Variants in CX3CR1 observed in about 807,000 individuals in gnomAD.
The protein encoded by CX3CR1 is CX3C chemokine receptor 1.
For missense variants in CX3CR1, 363 were observed against 432.4 expected (o/e 0.84, Z 1.42); for synonymous variants, 168 against 178.5 (o/e 0.94, Z 0.47).
At chr3:39,291,803 G>A in the CX3CR1 span, among the ~76,000 whole-genome samples, 4 of 152,210 alleles carry the variant, frequency 2.6e-5, no homozygotes, top group Admixed American at 6.5e-5. Flanking sequence ...AGGTTGGTGG[G>A]AGGGCCACCA....
At chr3:39,281,376 T>C, upstream of CX3CR1, 1 of 699,228 alleles carries the variant, frequency 1.4e-6, no homozygotes, top group Non-Finnish European at 2.0e-6. Context: ...GCTGGCTGCC[T>C]CAGCCCCTTC....
Position 39,265,851 on chromosome 3 carries a change from G to A in CX3CR1, c.659C>T (p.Ser220Phe), listed in dbSNP as rs928981544. ...TTTGGCTTTCTTGTGGTTCTTGCAG[G>A]AAAACAGCGTCTGGATGATTCTGAA... ...CYFRIIQTLF[S>F]CKNHKKAKAI... The change falls in exon 2 of 2, where the codon TCC becomes TTC. Residue 220 changes from serine to phenylalanine, a missense_variant. Ser to Phe is a radical substitution (Grantham distance 155). Coordinates refer to ENST00000399220, the MANE Select transcript of CX3CR1 (RefSeq NM_001337.4). 1.3e-5 allele frequency: 21 copies of A among 1,614,072 alleles called. No individual in the cohort carries two copies. Among genetic ancestry groups the A allele is most frequent in the Non-Finnish European group, 1.5e-5 (18 of 1,180,042 alleles).
chr3:39,275,762 T>C (rs2040833191), intron 1 of CX3CR1, among the ~76,000 whole-genome samples: 1 of 152,198 alleles, frequency 6.6e-6, no homozygotes, highest in South Asian at 2.1e-4. Flanking sequence ...CTAGGCACTG[T>C]GCTAGATTCT....
intron 1 of CX3CR1, among the ~76,000 whole-genome samples, chr3:39,277,127 G>C (rs759365225): frequency 1.3e-4 from 20 of 152,200 alleles, no homozygotes; most frequent in Non-Finnish European, 2.6e-4. Context: ...GGTGGTCTAG[G>C]AAGATGTTTA....
the CX3CR1 span, among the ~76,000 whole-genome samples, chr3:39,288,463 C>T: frequency 2.0e-5 from 3 of 152,192 alleles, no homozygotes; most frequent in Admixed American, 6.5e-5. Context: ...TCATCAGATA[C>T]AGGAGTGAGC....
intron 1 of CX3CR1, among the ~76,000 whole-genome samples, chr3:39,276,630 C>T (rs769466717): frequency 1.3e-5 from 2 of 152,324 alleles, no homozygotes; most frequent in African/African-American, 2.4e-5. Context: ...ATTGCCATTT[C>T]TACTGCTAAT....
intron 1 of CX3CR1, among the ~76,000 whole-genome samples, chr3:39,267,565 A>G (rs2040720159): frequency 6.6e-6 from 1 of 152,024 alleles, no homozygotes; most frequent in African/African-American, 2.4e-5. Context: ...AGTCCCATCT[A>G]TTGGGAACCC....
In CX3CR1 at chr3:39,266,531, G is replaced by A; in HGVS notation, c.-9-13C>T. Reference sequence around the variant, plus strand: ...CCATGGTGAAGGCCTGGATCAGAAAGAAAAACAAGTAACTGTGTTAGTTAT... The same window carrying A: ...CCATGGTGAAGGCCTGGATCAGAAAAAAAAACAAGTAACTGTGTTAGTTAT... On this transcript the variant is annotated splice_polypyrimidine_tract_variant and intron_variant, in intron 1 of 1. Coordinates refer to ENST00000399220, the MANE Select transcript of CX3CR1 (RefSeq NM_001337.4). 7 of 1,612,470 alleles carry A rather than the reference G, an allele frequency of 4.3e-6. No homozygotes were observed. Among genetic ancestry groups the A allele is most frequent in the Non-Finnish European group, 5.9e-6 (7 of 1,178,496 alleles).
rs2040684510 is a variant in CX3CR1, at chr3:39,265,617, T to C, written c.893A>G (p.Glu298Gly). Residue 298 changes from glutamate (E) to glycine (G), a missense_variant, in exon 2 of 2, where the codon GAG (glutamate) becomes GGG (glycine). Coordinates refer to ENST00000399220, the MANE Select transcript of CX3CR1 (RefSeq NM_001337.4). Reference sequence around the variant, plus strand: ...GTGGTAAAGGTATCTTCTGAACTTCTCCCCAGCAAATGCATAGATGAGAGG... The same window carrying C: ...GTGGTAAAGGTATCTTCTGAACTTCCCCCCAGCAAATGCATAGATGAGAGG... ...LNPLIYAFAGEKFRRYLYHLY... is the reference protein window; with the variant it reads ...LNPLIYAFAGGKFRRYLYHLY... The C allele has an allele frequency of 6.2e-7, 1 of 1,613,992 alleles. No homozygotes were observed. Among genetic ancestry groups the C allele is most frequent in the Non-Finnish European group, 8.5e-7 (1 of 1,180,022 alleles).
At chr3:39,281,936 T>C (rs1307275548), upstream of CX3CR1, among the ~76,000 whole-genome samples, 1 of 152,200 alleles carries the variant, frequency 6.6e-6, no homozygotes, top group Non-Finnish European at 1.5e-5. Flanking sequence ...CAGCGTCCAG[T>C]GTCAGTTGCC....
the CX3CR1 span, among the ~76,000 whole-genome samples, chr3:39,292,772 GA>G: frequency 1.4e-4 from 21 of 152,152 alleles, no homozygotes; most frequent in Non-Finnish European, 2.8e-4. Flanking sequence ...TCTGACTCTG[GA>G]ACCTGAATTC....
upstream of CX3CR1, among the ~76,000 whole-genome samples, chr3:39,283,114 C>T (rs9875632): frequency 9.7e-3 from 1,476 of 152,282 alleles, 26 homozygotes; most frequent in African/African-American, 0.034. Flanking sequence ...TGCTCTTGAA[C>T]TCCTGAGTTT....
rs1361481748 is a variant in CX3CR1 at position 39,264,901 on chromosome 3, G to A, written c.*541C>T. 1 of 152,750 alleles carries A rather than the reference G, an allele frequency of 6.5e-6. No individual in the cohort carries two copies. The highest frequency in any genetic ancestry group is 1.5e-5 in the Non-Finnish European group (1 of 68,474). 9.5% of individuals were successfully genotyped at this position (152,750 alleles called of 1,614,324 possible). On this transcript the variant is annotated 3_prime_UTR_variant, in exon 2 of 2. Coordinates refer to ENST00000399220, the MANE Select transcript of CX3CR1 (RefSeq NM_001337.4). The stretch of plus-strand genomic sequence containing the variant: ...ATGGATAACAGCACCTTCCAGGGAT[G>A]GGCACCTGATACAAACTTGGCCTAT...
At chr3:39,281,289 C>T, upstream of CX3CR1, 1 of 1,117,594 alleles carries the variant, frequency 8.9e-7, no homozygotes. Context: ...CAGGCCGCTC[C>T]CCATCCACTT....
upstream of CX3CR1, among the ~76,000 whole-genome samples, chr3:39,282,639 A>G (rs1220992852): frequency 2.0e-5 from 3 of 152,150 alleles, no homozygotes; most frequent in Non-Finnish European, 4.4e-5. Context: ...GCAGGCAAGG[A>G]CTGGAGACTT....
intron 1 of CX3CR1, among the ~76,000 whole-genome samples, chr3:39,274,816 G>A (rs1399629004): frequency 6.6e-6 from 1 of 151,744 alleles, no homozygotes; most frequent in Admixed American, 6.6e-5. Flanking sequence ...AATAAGGACA[G>A]AGATCTCCTC....
At chr3:39,274,168 T>C (rs1307064703) in intron 1 of CX3CR1, among the ~76,000 whole-genome samples, 1 of 152,148 alleles carries the variant, frequency 6.6e-6, no homozygotes, top group Non-Finnish European at 1.5e-5. Context: ...TCGGCTGCCA[T>C]GCCCAGACCC....
At chr3:39,285,839 T>G (rs1191774787), upstream of CX3CR1, 4 of 152,250 alleles carry the variant, frequency 2.6e-5, no homozygotes, top group African/African-American at 9.6e-5. Context: ...CACAGGTAAT[T>G]CAAATTAATT....
At chr3:39,280,250 C>T, upstream of CX3CR1, 2 of 985,678 alleles carry the variant, frequency 2.0e-6, no homozygotes, top group Non-Finnish European at 2.4e-6. Flanking sequence ...GCCACTTACC[C>T]CAACCTGGAG....
Sources: allele counts gnomAD v4.1 joint callset (sites outside exome capture counted in the v4.1 genomes callset), GRCh38; gene constraint gnomAD v4.1.1; transcripts MANE v1.5; gene names NCBI Gene and HGNC (gene_info 2026-07-23, HGNC 2026-07-21).